The following GRHL1 variants were observed in gnomAD, a reference collection of about 807,000 sequenced individuals.
GRHL1 encodes the protein grainyhead-like protein 1 homolog.
In GRHL1, 38 loss-of-function variants were observed where a neutral mutation model predicts 75.7. That is an observed-to-expected ratio of 0.50 (90% CI 0.39 to 0.66). GRHL1 has a LOEUF of 0.66. Ranked by LOEUF, GRHL1 falls within the 30% of genes least tolerant of loss-of-function variation. GRHL1 has a pLI of 0.00. For missense variants in GRHL1, 589 were observed against 767.5 expected (o/e 0.77, Z 2.75); for synonymous variants, 266 against 279.4 (o/e 0.95, Z 0.48).
chr2:9,963,955 G>A lies in GRHL1; in HGVS notation c.816G>A (p.Thr272=), dbSNP rs766799953. Residue 272 remains threonine (T), a synonymous_variant, in exon 6 of 16, where the codon ACG becomes ACA. Coordinates refer to ENST00000324907, the MANE Select transcript of GRHL1 (RefSeq NM_198182.3). The part of the protein sequence containing the change: ...LRQKPGDSTM[T]YLNKGQFYPI... Reference sequence around the variant, plus strand: ...AGAAGCCAGGAGACAGTACCATGACGTACCTGAACAAAGGCCAGTTCTATC... The same window carrying A: ...AGAAGCCAGGAGACAGTACCATGACATACCTGAACAAAGGCCAGTTCTATC... 6.2e-6 allele frequency: 10 copies of A among 1,612,830 alleles called. No homozygotes were observed. The highest frequency in any genetic ancestry group is 4.5e-5 in the East Asian group (2 of 44,892).
intron 8 of GRHL1, among the ~76,000 whole-genome samples, chr2:9,977,573 C>T (rs576879978): frequency 4.6e-5 from 7 of 152,216 alleles, no homozygotes; most frequent in Admixed American, 2.6e-4. Context: ...CCGCCCGCCT[C>T]GGCCTCCCAA....
chr2:9,998,081 C>G (rs2116017), intron 14 of GRHL1, among the ~76,000 whole-genome samples: 143,555 of 152,252 alleles, frequency 0.94, 67,803 homozygotes, highest in East Asian at 1. Flanking sequence ...AGGATCTGCA[C>G]GTTTGCCACC....
rs757683851 is a variant in GRHL1, at chr2:9,990,722, A to C, written c.1296A>C (p.Glu432Asp). 3 of 1,611,744 alleles carry C rather than the reference A, an allele frequency of 1.9e-6. No homozygotes were observed. In the Admixed American group the frequency reaches 5.0e-5, roughly 27 times the overall value. The change falls in exon 10 of 16, where the codon GAA becomes GAC. Residue 432 changes from glutamate to aspartate, a missense_variant. Glu to Asp is a conservative substitution (Grantham distance 45). Around this residue, in one of 5 missense-constraint regions of GRHL1, gnomAD observed 192 missense variants for 226.6 expected, o/e 0.85. Transcript: ENST00000324907. The surrounding 1 kb of genome is among the most constrained non-coding windows in gnomAD (Gnocchi z 4.2). ...DKGAERKIRD[E>D]ERKQSKRKVS... The stretch of plus-strand genomic sequence containing the variant: ...GAGCTGAGCGGAAAATCAGGGATGA[A>C]GAACGAAAGCAAAGCAAAAGAAAAG...
chr2:9,983,318 T>A (rs987323416), intron 8 of GRHL1, among the ~76,000 whole-genome samples: 9 of 152,050 alleles, frequency 5.9e-5, no homozygotes, highest in African/African-American at 1.5e-4. Context: ...ATTTTTTTTT[T>A]AATGCTGAAT....
At chr2:9,998,905 T>G in intron 14 of GRHL1, 60 bp from the exon 15 acceptor site, 2 of 527,672 alleles carry the variant, frequency 3.8e-6, no homozygotes, top group East Asian at 4.5e-5. Flanking sequence ...TATATATTTG[T>G]TGTTTGGTTT....
At chr2:9,998,879 C>A in intron 14 of GRHL1, 86 bp from the exon 15 acceptor site, 1 of 204,206 alleles carries the variant, frequency 4.9e-6, no homozygotes. Flanking sequence ...TATATGTACA[C>A]ATATATATAC....
chr2:9,976,276 T>G (rs1252041998), intron 8 of GRHL1, among the ~76,000 whole-genome samples: 1 of 152,092 alleles, frequency 6.6e-6, no homozygotes, highest in Non-Finnish European at 1.5e-5. Context: ...ATAGGAAGAT[T>G]CGTCACACTT....
chr2:9,963,935 C>T lies in GRHL1; in HGVS notation c.796C>T (p.Pro266Ser). Residue 266 changes from proline to serine, a missense_variant, in exon 6 of 16, where the codon CCA (proline) becomes TCA (serine). Transcript: ENST00000324907. ...LEASKSLRQK[P>S]GDSTMTYLNK... ...AGCTTCAAAATCACTTCGACAGAAG[C>T]CAGGAGACAGTACCATGACGTACCT... The T allele has an allele frequency of 6.2e-7, 1 of 1,613,636 alleles. No homozygotes were observed. Among genetic ancestry groups the T allele is most frequent in the South Asian group, 1.1e-5 (1 of 91,068 alleles).
rs544221928 is a variant in GRHL1 at position 9,976,570 on chromosome 2, T to C, written c.1111-9554T>C. On this transcript the variant is annotated intron_variant, in intron 8 of 15. Transcript: ENST00000324907. ...GTTCTTTGAGGCTGTGTAATGTGTT[T>C]TCAAGTCAGTGATGAGACTTTTTAG... Among the ~76,000 whole-genome samples, 15 of 152,244 alleles carry C rather than the reference T, an allele frequency of 9.9e-5. No individual in the cohort carries two copies. In the South Asian group the frequency reaches 1.5e-3, roughly 15 times the overall value.
chr2:9,980,594 T>G (rs77833554), intron 8 of GRHL1, among the ~76,000 whole-genome samples: 3,185 of 152,306 alleles, frequency 0.021, 78 homozygotes, highest in Non-Finnish European at 0.025. Flanking sequence ...TTCCAATAAT[T>G]TGGGTGGGAA....
chr2:9,988,274 G>A (rs769911919), intron 9 of GRHL1, among the ~76,000 whole-genome samples: 49 of 152,256 alleles, frequency 3.2e-4, no homozygotes, highest in African/African-American at 9.9e-4. Flanking sequence ...ATCATCCCGC[G>A]CTCCTGAGCA....
At chr2:9,998,523 C>CGT (rs1444744839) in intron 14 of GRHL1, among the ~76,000 whole-genome samples, 7 of 9,736 alleles carry the variant, frequency 7.2e-4, no homozygotes, top group East Asian at 1.7e-3. Flanking sequence ...TATATATATA[C>CGT]ATATATATAC....
chr2:9,959,012 C>A, intron 3 of GRHL1, 156 bp downstream of exon 3: 1 of 1,178,218 alleles, frequency 8.5e-7, no homozygotes, highest in Non-Finnish European at 1.1e-6. Context: ...CACTGATTTG[C>A]CTCTGTTGCT....
At chr2:9,961,772 G>T (rs539464106) in intron 4 of GRHL1, among the ~76,000 whole-genome samples, 1 of 152,148 alleles carries the variant, frequency 6.6e-6, no homozygotes, top group African/African-American at 2.4e-5. Context: ...ACTTCTCCCA[G>T]TGCCAAACAA....
At chr2:9,994,310 A>AATTATTATTATTATTATT (rs70948860) in intron 12 of GRHL1, among the ~76,000 whole-genome samples, 4 of 139,182 alleles carry the variant, frequency 2.9e-5, no homozygotes, top group East Asian at 4.2e-4. Context: ...ACACCCATCT[A>AATTATTATTATTATTATT]ATTATTATTA....
chr2:9,970,341 GAGA>G (rs5829240), intron 8 of GRHL1, among the ~76,000 whole-genome samples: 6,798 of 152,336 alleles, frequency 0.045, 174 homozygotes, highest in Middle Eastern at 0.11. Flanking sequence ...AGTGGCGTCA[GAGA>G]AGTAGATAGA....
Position 9,951,890 on chromosome 2 carries a change from G to C in GRHL1, c.20+37G>C, listed in dbSNP as rs187290376. ...GCAGGAGTCCGGCCGCCGCGGGGGG[G>C]CCGCGCTGAGGGGCCGCACCTGCAG... is the stretch of plus-strand genomic sequence containing the variant. On this transcript the variant is annotated intron_variant, in intron 1 of 15. Coordinates refer to ENST00000324907, the MANE Select transcript of GRHL1 (RefSeq NM_198182.3). The surrounding 1 kb of genome is among the most constrained non-coding windows in gnomAD (Gnocchi z 4.2). 7 of 1,401,756 alleles carry C rather than the reference G, an allele frequency of 5.0e-6. No homozygotes were observed. The highest frequency in any genetic ancestry group is 2.5e-5 in the Admixed American group (1 of 40,786). The allele number at this position is 1,401,756 out of a possible 1,614,324, so 86.8% of individuals were successfully genotyped here. A position where few individuals can be genotyped will look rare whatever the true frequency, so the allele number is the denominator to read the frequency against.
intron 8 of GRHL1, among the ~76,000 whole-genome samples, chr2:9,969,865 T>C (rs6735737): frequency 0.4 from 54,411 of 137,576 alleles, 12,368 homozygotes; most frequent in African/African-American, 0.62. Context: ...TTTTTTGAGA[T>C]GGAGTCTCAC....
chr2:9,997,163 GGCTT>G (rs1270736108), intron 14 of GRHL1, among the ~76,000 whole-genome samples: 1 of 152,156 alleles, frequency 6.6e-6, no homozygotes, highest in Non-Finnish European at 1.5e-5. Flanking sequence ...CTTGATAAAG[GGCTT>G]GCTTCATGCC....
Sources: gnomAD v4.1 joint callset for allele counts (sites outside exome capture counted in the v4.1 genomes callset) on GRCh38, gnomAD v4.1.1 for gene constraint, gnomAD v4.1.1 regional missense constraint, Gnocchi (gnomAD v3.1) non-coding constraint, MANE v1.5 for transcripts, NCBI Gene and HGNC (gene_info 2026-07-23, HGNC 2026-07-21) for gene names.